CDH23: variants seen among roughly 807,000 people sequenced by gnomAD.
CDH23 encodes cadherin related 23, also known as cadherin-23.
In CDH23, 189 loss-of-function variants were observed where a neutral mutation model predicts 317.1. That is an observed-to-expected ratio of 0.60 (90% CI 0.53 to 0.67). The LOEUF is 0.67. Ranked by LOEUF, CDH23 falls within the 30% of genes least tolerant of loss-of-function variation. CDH23 has a pLI of 0.00. For missense variants in CDH23, 4,401 were observed against 4,592.4 expected (o/e 0.96, Z 1.20); for synonymous variants, 1,839 against 1,876.8 (o/e 0.98, Z 0.52).
intron 41 of CDH23, among the ~76,000 whole-genome samples, chr10:71,783,682 A>G (rs1038787241): frequency 6.6e-6 from 1 of 152,228 alleles, no homozygotes; most frequent in Non-Finnish European, 1.5e-5. Context: ...CAGGGTCACC[A>G]CAGGTGTAGG....
chr10:71,573,257 G>A (rs2132384034), intron 8 of CDH23, among the ~76,000 whole-genome samples: 1 of 152,326 alleles, frequency 6.6e-6, no homozygotes, highest in South Asian at 2.1e-4. Context: ...GTTGTAGTTG[G>A]CAAGAGGTGT....
At chr10:71,721,218 A>G (rs934555905) in intron 28 of CDH23, among the ~76,000 whole-genome samples, 1 of 152,128 alleles carries the variant, frequency 6.6e-6, no homozygotes, top group Non-Finnish European at 1.5e-5. Flanking sequence ...GCCCTTCCAG[A>G]TCTGGACAAT....
intron 3 of CDH23, among the ~76,000 whole-genome samples, chr10:71,490,996 C>A (rs1020952181): frequency 6.6e-5 from 10 of 152,000 alleles, no homozygotes; most frequent in Admixed American, 5.9e-4. Context: ...GACAACAGAG[C>A]GAGACTCCAT....
intron 2 of CDH23, among the ~76,000 whole-genome samples, chr10:71,441,152 C>T (rs564877494): frequency 1.4e-4 from 21 of 152,230 alleles, no homozygotes; most frequent in African/African-American, 3.9e-4. Flanking sequence ...GAGGAGACAC[C>T]GAACCCTGGA....
intron 18 of CDH23, among the ~76,000 whole-genome samples, chr10:71,683,258 A>G (rs1331748116): frequency 6.6e-6 from 1 of 152,134 alleles, no homozygotes; most frequent in African/African-American, 2.4e-5. Flanking sequence ...CCCCCTCCCC[A>G]TCTGTGGGAG....
rs1864963977 is a variant in CDH23, at chr10:71,687,687, A to T, written c.2027A>T (p.Tyr676Phe). Residue 676 changes from tyrosine to phenylalanine, a missense_variant, in exon 19 of 70, where the codon TAC (tyrosine) becomes TTC (phenylalanine). Around this residue, in one of 3 missense-constraint regions of CDH23, gnomAD observed 3,068 missense variants for 3,203.3 expected, o/e 0.96. Transcript: ENST00000224721. ...CCTCCCACCTTCAGCAAGCCCGCCT[A>T]CTTCGTCTCCGTGGTGGAGAACATC... ...DNPPTFSKPA[Y>F]FVSVVENIMA... 1 of 1,613,600 alleles carries T rather than the reference A, an allele frequency of 6.2e-7. No homozygotes were observed. The highest frequency in any genetic ancestry group is 8.5e-7 in the Non-Finnish European group (1 of 1,179,838).
At chr10:71,642,394 T>C (rs12764442) in intron 11 of CDH23, among the ~76,000 whole-genome samples, 1 of 19,790 alleles carries the variant, frequency 5.1e-5, no homozygotes, top group Admixed American at 3.9e-4. Context: ...GCCCGGCCTC[T>C]TTTTTTTTTT....
At chr10:71,737,923 TACCCACTGGAAC>T (rs1025922357) in intron 34 of CDH23, 2 of 418,102 alleles carry the variant, frequency 4.8e-6, no homozygotes, top group African/African-American at 4.0e-5. Context: ...TCTGCCCTTC[TACCCACTGGAAC>T]CAAGCCACCT....
At chr10:71,429,588 A>G (rs1210117844) in intron 1 of CDH23, among the ~76,000 whole-genome samples, 1 of 152,138 alleles carries the variant, frequency 6.6e-6, no homozygotes, top group Non-Finnish European at 1.5e-5. Context: ...GAGAGGGGCT[A>G]GTGTGGCTGA....
intron 14 of CDH23, among the ~76,000 whole-genome samples, chr10:71,663,552 C>T (rs550254043): frequency 1.3e-3 from 204 of 152,352 alleles, no homozygotes; most frequent in African/African-American, 4.7e-3. Flanking sequence ...AACCTCTGGC[C>T]TTGCTGGGTC....
intron 1 of CDH23, among the ~76,000 whole-genome samples, chr10:71,403,088 C>T (rs1268816963): frequency 6.6e-6 from 1 of 152,134 alleles, no homozygotes; most frequent in African/African-American, 2.4e-5. Context: ...CGCCACTGCA[C>T]TCCAGCCTGG....
chr10:71,652,542 A>G (rs550891374), intron 14 of CDH23, among the ~76,000 whole-genome samples: 1 of 152,324 alleles, frequency 6.6e-6, no homozygotes, highest in South Asian at 2.1e-4. Flanking sequence ...GCCTGTGGAC[A>G]AGCCCAGCTC....
At chr10:71,683,685 G>A (rs1019145928) in intron 18 of CDH23, among the ~76,000 whole-genome samples, 3 of 152,196 alleles carry the variant, frequency 2.0e-5, no homozygotes, top group African/African-American at 7.2e-5. Context: ...AACCAGGATA[G>A]CAAAGGGAAG....
intron 6 of CDH23, 102 bp downstream of exon 6, chr10:71,511,314 C>T: frequency 9.0e-7 from 1 of 1,105,730 alleles, no homozygotes; most frequent in Non-Finnish European, 1.4e-6. Flanking sequence ...AGCTGTGGCT[C>T]TTCTGCCCAG....
chr10:71,441,107 C>T (rs1203339483), intron 2 of CDH23, among the ~76,000 whole-genome samples: 1 of 152,140 alleles, frequency 6.6e-6, no homozygotes, highest in Non-Finnish European at 1.5e-5. Flanking sequence ...GCAAGGGAGC[C>T]TCAGGCGCTT....
Position 71,422,470 on chromosome 10 carries a change from A to G in CDH23, c.-5-17357A>G, listed in dbSNP as rs1389860157. 5.0e-4 allele frequency among the ~76,000 whole-genome samples: 76 copies of G among 152,216 alleles called. 1 individual carries two copies. Among genetic ancestry groups the G allele is most frequent in the Non-Finnish European group, 2.9e-5 (2 of 68,042 alleles). Reference sequence around the variant, plus strand: ...TATGAAGTTCTATAGAAAGTTTAGCACACAGTAGGCTCACTCAGCACATGC... The same window carrying G: ...TATGAAGTTCTATAGAAAGTTTAGCGCACAGTAGGCTCACTCAGCACATGC... On this transcript the variant is annotated intron_variant, in intron 1 of 69. Coordinates refer to ENST00000224721, the MANE Select transcript of CDH23 (RefSeq NM_022124.6).
chr10:71,735,432 G>A (rs373869482), intron 34 of CDH23, among the ~76,000 whole-genome samples: 12 of 152,264 alleles, frequency 7.9e-5, no homozygotes, highest in African/African-American at 2.6e-4. Context: ...TCATGCTGGG[G>A]TTGCAATGGG....
chr10:71,519,206 C>T (rs1005027264), intron 6 of CDH23, among the ~76,000 whole-genome samples: 13 of 152,168 alleles, frequency 8.5e-5, no homozygotes, highest in African/African-American at 2.2e-4. Flanking sequence ...AGGGATTCTA[C>T]GGCACTCACC....
rs1305314589 is a variant in CDH23, at chr10:71,740,881, C to T, written c.4548C>T (p.Thr1516=). The T allele has an allele frequency of 6.2e-7, 1 of 1,613,988 alleles. No homozygotes were observed. The highest frequency in any genetic ancestry group is 2.2e-5 in the East Asian group (1 of 44,888). Residue 1516 remains threonine (T), a synonymous_variant, in exon 37 of 70, where the codon ACC becomes ACT. Transcript: ENST00000224721. ...PRKKDHILQV[T]ILDINDNPPV... is the part of the protein sequence containing the mutation. ...AGAAGGACCACATCCTGCAGGTGAC[C>T]ATCCTGGACATCAATGACAACCCTC...
Sources: allele counts gnomAD v4.1 joint callset (sites outside exome capture counted in the v4.1 genomes callset), GRCh38; gene constraint gnomAD v4.1.1; regional missense constraint gnomAD v4.1.1; transcripts MANE v1.5; gene names NCBI Gene and HGNC (gene_info 2026-07-23, HGNC 2026-07-21).